Variants in NICOL1 observed in about 807,000 individuals in gnomAD.
NICOL1 encodes NELL2 interacting cell ontogeny regulator 1.
chr4:2,038,993 G>C, the NICOL1 span, among the ~76,000 whole-genome samples: 1 of 151,646 alleles, frequency 6.6e-6, no homozygotes, highest in Non-Finnish European at 1.5e-5. Context: ...CAAAATCAAA[G>C]AAAGCATTAA....
chr4:2,042,848 C>T, the NICOL1 span: 5 of 1,457,964 alleles, frequency 3.4e-6, no homozygotes, highest in Non-Finnish European at 3.6e-6. Flanking sequence ...GCGCGACGGT[C>T]CTCCCGGGCT....
the NICOL1 span, chr4:2,042,842 G>C: frequency 4.1e-6 from 6 of 1,472,126 alleles, no homozygotes; most frequent in Admixed American, 1.1e-4. Flanking sequence ...CCCGCGGCGC[G>C]ACGGTCCTCC....
At chr4:2,042,372 C>A in the NICOL1 span, 1 of 514,780 alleles carries the variant, frequency 1.9e-6, no homozygotes, top group Non-Finnish European at 3.4e-6. Context: ...CGCCCGCGTG[C>A]CGGTCCCCGA....
the NICOL1 span, among the ~76,000 whole-genome samples, chr4:2,041,433 G>A: frequency 6.6e-6 from 1 of 152,222 alleles, no homozygotes; most frequent in Non-Finnish European, 1.5e-5. Flanking sequence ...CGGTCTCCGA[G>A]GACACCGAGA....
At chr4:2,038,660 A>G in the NICOL1 span, among the ~76,000 whole-genome samples, 5 of 152,322 alleles carry the variant, frequency 3.3e-5, no homozygotes, top group African/African-American at 1.2e-4. Flanking sequence ...GTACTCAATT[A>G]GATAATGTTT....
At chr4:2,040,367 A>G in the NICOL1 span, among the ~76,000 whole-genome samples, 1 of 152,194 alleles carries the variant, frequency 6.6e-6, no homozygotes, top group African/African-American at 2.4e-5. Flanking sequence ...TTGGCCTCCC[A>G]AAGTGCTGGG....
At chr4:2,042,360 C>G in the NICOL1 span, 7 of 513,752 alleles carry the variant, frequency 1.4e-5, no homozygotes, top group African/African-American at 1.4e-4. Flanking sequence ...CCATGGCCCC[C>G]CCGCCCGCGT....
At chr4:2,038,825 T>C in the NICOL1 span, among the ~76,000 whole-genome samples, 1 of 152,218 alleles carries the variant, frequency 6.6e-6, no homozygotes, top group South Asian at 2.1e-4. Context: ...GCTTTGTTAT[T>C]TAGTGTCTTG....
chr4:2,039,646 C>T, the NICOL1 span, among the ~76,000 whole-genome samples: 2 of 151,860 alleles, frequency 1.3e-5, no homozygotes, highest in Non-Finnish European at 2.9e-5. Flanking sequence ...ACCAGCCTGC[C>T]CAACATGGCA....
At chr4:2,041,168 G>A in the NICOL1 span, among the ~76,000 whole-genome samples, 4 of 150,760 alleles carry the variant, frequency 2.7e-5, 1 homozygote, top group African/African-American at 9.8e-5. Flanking sequence ...GAGCGGGGGC[G>A]CCAGCACCCA....
At chr4:2,038,269 A>G in the NICOL1 span, among the ~76,000 whole-genome samples, 7 of 81,732 alleles carry the variant, frequency 8.6e-5, no homozygotes, top group African/African-American at 2.2e-4. Flanking sequence ...ATATATATAT[A>G]TATATATATA....
chr4:2,041,948 G>A, the NICOL1 span: 1 of 1,450,984 alleles, frequency 6.9e-7, no homozygotes. Flanking sequence ...GGGTTTCCAT[G>A]ACGACGACGT....
At chr4:2,041,231 T>C in the NICOL1 span, among the ~76,000 whole-genome samples, 2 of 148,116 alleles carry the variant, frequency 1.4e-5, no homozygotes, top group African/African-American at 5.1e-5. Flanking sequence ...GGTGTCGGCG[T>C]GGGGGCCTGG....
the NICOL1 span, among the ~76,000 whole-genome samples, chr4:2,041,539 G>A: frequency 6.6e-6 from 1 of 152,202 alleles, no homozygotes; most frequent in East Asian, 1.9e-4. Flanking sequence ...GAGAGGCTGG[G>A]CCAGGGAAAA....
chr4:2,038,013 T>C, the NICOL1 span, among the ~76,000 whole-genome samples: 4 of 151,592 alleles, frequency 2.6e-5, no homozygotes, highest in East Asian at 7.8e-4. Context: ...ATTTTTGTTA[T>C]TGTTCTAATT....
the NICOL1 span, among the ~76,000 whole-genome samples, chr4:2,039,099 C>T: frequency 2.0e-5 from 3 of 151,936 alleles, no homozygotes; most frequent in Admixed American, 6.6e-5. Context: ...GTTGGATTCA[C>T]GAAATAGAGT....
chr4:2,042,014 C>A, the NICOL1 span: 1 of 1,470,790 alleles, frequency 6.8e-7, no homozygotes, highest in Non-Finnish European at 8.9e-7. Context: ...GCGCGCCGGA[C>A]GCGGAACGTC....
the NICOL1 span, chr4:2,041,814 T>G: frequency 1.7e-6 from 1 of 584,356 alleles, no homozygotes; most frequent in Non-Finnish European, 2.7e-6. Flanking sequence ...CTCCAGGCAG[T>G]CCTCTAGACT....
chr4:2,042,215 G>A, the NICOL1 span: 1 of 1,385,100 alleles, frequency 7.2e-7, no homozygotes, highest in Admixed American at 3.6e-5. Context: ...GGTGGGTCCA[G>A]GGCTCCCAGG....
Sources: gnomAD v4.1 joint callset for allele counts (sites outside exome capture counted in the v4.1 genomes callset) on GRCh38, gnomAD v4.1.1 for gene constraint, MANE v1.5 for transcripts, NCBI Gene and HGNC (gene_info 2026-07-23, HGNC 2026-07-21) for gene names.